GUCY1A2: variants seen among roughly 807,000 people sequenced by gnomAD.
GUCY1A2 encodes guanylate cyclase soluble subunit alpha-2.
GUCY1A2 carries 27 observed loss-of-function variants against 63.5 expected under a neutral mutation model. The ratio of observed to expected loss-of-function variants is 0.43; its 90% CI spans 0.31 to 0.59. The LOEUF (loss-of-function observed/expected upper bound fraction) is 0.59. Among genes scored for constraint, GUCY1A2 ranks in the 20% least tolerant of loss-of-function variants. GUCY1A2 has a pLI of 0.11. For missense variants in GUCY1A2, 768 were observed against 913.3 expected (o/e 0.84, Z 2.05); for synonymous variants, 364 against 343.5 (o/e 1.06, Z -0.66).
intron 4 of GUCY1A2, among the ~76,000 whole-genome samples, chr11:106,816,975 A>T (rs1305856740): frequency 6.6e-6 from 1 of 152,090 alleles, no homozygotes; most frequent in African/African-American, 2.4e-5. Context: ...TGAAAAAAAA[A>T]TCTTCAGGCC....
intron 4 of GUCY1A2, among the ~76,000 whole-genome samples, chr11:106,829,754 G>C (rs926063982): frequency 1.3e-5 from 2 of 152,138 alleles, no homozygotes; most frequent in East Asian, 3.9e-4. Context: ...CTTCAAAATG[G>C]AGGTAAGGAA....
At chr11:107,015,380 A>AT (rs764027713) in intron 1 of GUCY1A2, among the ~76,000 whole-genome samples, 20 of 152,142 alleles carry the variant, frequency 1.3e-4, no homozygotes, top group Non-Finnish European at 2.9e-4. Context: ...AGTCATTCAA[A>AT]TTTAACTTAT....
At chr11:106,915,694 G>T (rs1284476321) in intron 4 of GUCY1A2, among the ~76,000 whole-genome samples, 1 of 144,948 alleles carries the variant, frequency 6.9e-6, no homozygotes, top group Non-Finnish European at 1.5e-5. Flanking sequence ...GAAAAAGGGT[G>T]CTTCTTCGTT....
At chr11:106,804,404 T>C (rs535018443) in intron 5 of GUCY1A2, among the ~76,000 whole-genome samples, 1 of 152,348 alleles carries the variant, frequency 6.6e-6, no homozygotes, top group African/African-American at 2.4e-5. Context: ...TAAATGGAAC[T>C]GGCATTTCAT....
At chr11:106,751,619 T>C (rs1032814781) in intron 6 of GUCY1A2, among the ~76,000 whole-genome samples, 1 of 152,114 alleles carries the variant, frequency 6.6e-6, no homozygotes, top group African/African-American at 2.4e-5. Flanking sequence ...TATTTTCTAA[T>C]TTGCCAGTAT....
At chr11:106,960,409 CA>C (rs1462894796) in intron 3 of GUCY1A2, among the ~76,000 whole-genome samples, 1 of 151,962 alleles carries the variant, frequency 6.6e-6, no homozygotes, top group Admixed American at 6.6e-5. Flanking sequence ...GTTTTTGATC[CA>C]AGACTCAGCA....
At chr11:106,918,697 T>A (rs767558321) in intron 4 of GUCY1A2, among the ~76,000 whole-genome samples, 3 of 145,566 alleles carry the variant, frequency 2.1e-5, no homozygotes, top group Non-Finnish European at 3.1e-5. Flanking sequence ...GGCAAACAAC[T>A]AAAGACAGAA....
intron 1 of GUCY1A2, among the ~76,000 whole-genome samples, chr11:106,994,618 C>T (rs1003786118): frequency 6.6e-6 from 1 of 152,100 alleles, no homozygotes; most frequent in Non-Finnish European, 1.5e-5. Flanking sequence ...ATTTAATTAT[C>T]CACATTTCAC....
intron 3 of GUCY1A2, among the ~76,000 whole-genome samples, chr11:106,954,272 G>A (rs545270796): frequency 5.9e-5 from 9 of 152,130 alleles, no homozygotes; most frequent in South Asian, 2.1e-4. Flanking sequence ...TTATTTACCC[G>A]GGAGTCATTC....
chr11:106,895,597 T>C (rs1362469911), intron 4 of GUCY1A2, among the ~76,000 whole-genome samples: 3 of 152,184 alleles, frequency 2.0e-5, no homozygotes, highest in Non-Finnish European at 4.4e-5. Flanking sequence ...GACATACCTT[T>C]GTTCCTGCTT....
At chr11:106,876,804 T>C (rs1455868985) in intron 4 of GUCY1A2, among the ~76,000 whole-genome samples, 2 of 152,138 alleles carry the variant, frequency 1.3e-5, no homozygotes, top group Non-Finnish European at 2.9e-5. Flanking sequence ...TCAACTTCCG[T>C]AACTTTGCTG....
intron 1 of GUCY1A2, among the ~76,000 whole-genome samples, chr11:107,013,252 C>T (rs573769092): frequency 6.6e-6 from 1 of 152,266 alleles, no homozygotes; most frequent in South Asian, 2.1e-4. Flanking sequence ...TTCAAAGCCA[C>T]TTGCAATGTT....
At chr11:106,766,706 G>A (rs904668585) in intron 6 of GUCY1A2, among the ~76,000 whole-genome samples, 5 of 152,156 alleles carry the variant, frequency 3.3e-5, no homozygotes, top group African/African-American at 1.2e-4. Flanking sequence ...GCACATTACT[G>A]TCTTATGTGT....
intron 3 of GUCY1A2, among the ~76,000 whole-genome samples, chr11:106,940,422 G>A (rs1214346376): frequency 1.3e-5 from 2 of 152,014 alleles, no homozygotes; most frequent in African/African-American, 4.8e-5. Flanking sequence ...TTTTTAAATA[G>A]ACTACATATT....
chr11:106,752,070 A>G (rs1400927451), intron 6 of GUCY1A2, among the ~76,000 whole-genome samples: 1 of 152,242 alleles, frequency 6.6e-6, no homozygotes, highest in Non-Finnish European at 1.5e-5. Flanking sequence ...GTTAAATACC[A>G]ACAGTAAATT....
At position 106,681,566 on chromosome 11, in the gene GUCY1A2, A is replaced by G. The variant is rs955579234; in HGVS notation, c.*5983T>C. 1.3e-5 allele frequency: 3 copies of G among 222,578 alleles called. No individual in the cohort carries two copies. The highest frequency in any genetic ancestry group is 4.5e-5 in the African/African-American group (2 of 44,776). The allele number at this position is 222,578 out of a possible 1,614,324, so 13.8% of individuals were successfully genotyped here. ...AGAAATAATCTGATGTATATTAATC[A>G]CTTTACAGCATGTTTGCAAATGAAT... is the stretch of plus-strand genomic sequence containing the variant. On this transcript the variant is annotated 3_prime_UTR_variant, in exon 8 of 8. Coordinates refer to ENST00000526355, the MANE Select transcript of GUCY1A2 (RefSeq NM_000855.3).
rs1275186004 is a variant in GUCY1A2 at position 107,017,868 on chromosome 11, G to C, written c.188C>G (p.Pro63Arg). 1 of 1,251,798 alleles carries C rather than the reference G, an allele frequency of 8.0e-7. No individual in the cohort carries two copies. The highest frequency in any genetic ancestry group is 1.0e-6 in the Non-Finnish European group (1 of 996,638). 77.5% of individuals were successfully genotyped at this position (1,251,798 alleles called of 1,614,324 possible). Residue 63 changes from proline to arginine, a missense_variant, in exon 1 of 8, where the codon CCG becomes CGG. This residue lies in a region of GUCY1A2 where 496 missense variants were observed against 486.9 expected (regional missense o/e 1.02). Coordinates refer to ENST00000526355, the MANE Select transcript of GUCY1A2 (RefSeq NM_000855.3). ...AAAAAAPAPT[P>R]AASAAAAAAT... Reference sequence around the variant, plus strand: ...AGCGGCGGCGGCGGCAGAAGCAGCCGGGGTCGGGGCCGGGGCGGCGGCAGC... The same window carrying C: ...AGCGGCGGCGGCGGCAGAAGCAGCCCGGGTCGGGGCCGGGGCGGCGGCAGC...
intron 4 of GUCY1A2, among the ~76,000 whole-genome samples, chr11:106,871,860 T>C (rs1194675731): frequency 1.3e-5 from 2 of 152,156 alleles, no homozygotes; most frequent in African/African-American, 4.8e-5. Context: ...GAATTAGGAG[T>C]ATAGACAGGA....
intron 4 of GUCY1A2, among the ~76,000 whole-genome samples, chr11:106,868,320 C>T (rs1304391402): frequency 6.6e-6 from 1 of 152,108 alleles, no homozygotes; most frequent in Non-Finnish European, 1.5e-5. Context: ...CAAATTGTCC[C>T]TGTTTGCAGA....
Sources: allele counts gnomAD v4.1 joint callset (sites outside exome capture counted in the v4.1 genomes callset), GRCh38; gene constraint gnomAD v4.1.1; regional missense constraint gnomAD v4.1.1; transcripts MANE v1.5; gene names NCBI Gene and HGNC (gene_info 2026-07-23, HGNC 2026-07-21).